NPHP4: variants seen among roughly 807,000 people sequenced by gnomAD.
NPHP4 encodes nephrocystin-4.
NPHP4 carries 151 observed loss-of-function variants against 155.8 expected under a neutral mutation model. That is an observed-to-expected ratio of 0.97 (90% confidence interval 0.85 to 1.11). The LOEUF (loss-of-function observed/expected upper bound fraction) is 1.11, where lower values mean the gene tolerates loss of function less well. Among genes scored for constraint, NPHP4 ranks in the 50% least tolerant of loss-of-function variants. NPHP4 has a pLI of 0.00. For synonymous variants in NPHP4, 845 were observed against 816.8 expected (o/e 1.03, Z -0.59); for missense variants, 1,956 against 1,925.7 (o/e 1.02, Z -0.29).
intron 18 of NPHP4, chr1:5,886,953 G>A (rs1038117543): frequency 3.7e-6 from 1 of 268,710 alleles, no homozygotes; most frequent in African/African-American, 2.2e-5. Context: ...CCTCCATCAT[G>A]AGGCACAGGG....
intron 19 of NPHP4, chr1:5,879,356 G>A (rs1448495728): frequency 1.1e-5 from 4 of 355,084 alleles, no homozygotes; most frequent in African/African-American, 4.3e-5. Flanking sequence ...ATTTTAAGGG[G>A]ATAGAAAAAC....
Position 5,892,086 on chromosome 1 carries a change from G to A in NPHP4, c.2144-1058C>T, listed in dbSNP as rs1007767640. Among the ~76,000 whole-genome samples the A allele has an allele frequency of 1.3e-5, 2 of 152,218 alleles. No individual in the cohort carries two copies. Among genetic ancestry groups the A allele is most frequent in the Non-Finnish European group, 2.9e-5 (2 of 68,036 alleles). On this transcript the variant is annotated intron_variant, in intron 16 of 29. Transcript: ENST00000378156. The surrounding 1 kb of genome is among the most constrained non-coding windows in gnomAD (Gnocchi z 4.5). ...ATAAGGAATCTGGAGGAAGACCAAG[G>A]AGGAGCTGGTGATTAACATCACGCA...
intron 12 of NPHP4, among the ~76,000 whole-genome samples, chr1:5,907,548 T>C (rs1644970926): frequency 6.6e-6 from 1 of 152,250 alleles, no homozygotes; most frequent in Non-Finnish European, 1.5e-5. Flanking sequence ...CTCTGTCCCT[T>C]GCCAGCACTG....
At chr1:5,969,051 TG>T in intron 4 of NPHP4, 35 bp downstream of exon 4, 2 of 1,376,716 alleles carry the variant, frequency 1.5e-6, no homozygotes, top group Non-Finnish European at 2.0e-6. Flanking sequence ...AGACAGACGC[TG>T]GAAAACCCCA....
At chr1:5,873,221 G>T in intron 23 of NPHP4, 31 bp downstream of exon 23, 4 of 1,573,008 alleles carry the variant, frequency 2.5e-6, no homozygotes, top group Non-Finnish European at 3.5e-6. Context: ...AGGAAGCCCC[G>T]AGATCAGTTT....
chr1:5,897,747 G>A (rs770666081), intron 16 of NPHP4, among the ~76,000 whole-genome samples: 4 of 151,966 alleles, frequency 2.6e-5, no homozygotes, highest in Non-Finnish European at 5.9e-5. Flanking sequence ...TACACATGGG[G>A]GACAAATGGG....
intron 9 of NPHP4, among the ~76,000 whole-genome samples, chr1:5,946,232 C>T (rs1233534708): frequency 6.6e-6 from 1 of 152,156 alleles, no homozygotes; most frequent in Non-Finnish European, 1.5e-5. Context: ...AAACAGAAAA[C>T]TAAATCTTAA....
intron 16 of NPHP4, among the ~76,000 whole-genome samples, chr1:5,901,956 C>A (rs1644704158): frequency 6.6e-6 from 1 of 152,146 alleles, no homozygotes; most frequent in Non-Finnish European, 1.5e-5. Context: ...CCCCCTCCCC[C>A]AAAGACAAAG....
At chr1:5,900,667 C>T (rs568387790) in intron 16 of NPHP4, among the ~76,000 whole-genome samples, 10 of 152,248 alleles carry the variant, frequency 6.6e-5, no homozygotes, top group Admixed American at 1.3e-4. Context: ...CTGTATAATG[C>T]AGAATGAACT....
chr1:5,985,263 T>C (rs758831592), intron 2 of NPHP4, among the ~76,000 whole-genome samples: 10 of 152,234 alleles, frequency 6.6e-5, no homozygotes, highest in Admixed American at 3.9e-4. Context: ...GGGTTGACAA[T>C]GGCAAGACTG....
At chr1:5,864,723 G>A (rs930427397) in intron 27 of NPHP4, 30 of 547,318 alleles carry the variant, frequency 5.5e-5, no homozygotes, top group South Asian at 1.5e-4. Flanking sequence ...CTCACACGGC[G>A]ACTATTCCCT....
At position 5,944,882 on chromosome 1, in the gene NPHP4, G is replaced by T. The variant is rs541576070; in HGVS notation, c.1119+2222C>A. On this transcript the variant is annotated intron_variant, in intron 9 of 29. Transcript: ENST00000378156. The surrounding 1 kb of genome is among the most constrained non-coding windows in gnomAD (Gnocchi z 4.3). ...CTACTCAGGAGACTGAGGCAGGAGA[G>T]TCACTTGAACCCAGGAGGCGGAGGT... 7.9e-5 allele frequency among the ~76,000 whole-genome samples: 12 copies of T among 152,196 alleles called. No individual in the cohort carries two copies. In the East Asian group the frequency reaches 2.3e-3, roughly 29 times the overall value.
intron 6 of NPHP4, among the ~76,000 whole-genome samples, chr1:5,955,958 A>T (rs1649117538): frequency 6.6e-6 from 1 of 150,868 alleles, no homozygotes; most frequent in African/African-American, 2.4e-5. Flanking sequence ...CATTTGATCT[A>T]CTCTACAACA....
In NPHP4 at chr1:5,892,681, C is replaced by T. The variant is rs1002893031; in HGVS notation, c.2144-1653G>A. 1.1e-4 allele frequency among the ~76,000 whole-genome samples: 16 copies of T among 152,088 alleles called. No individual in the cohort carries two copies. Among genetic ancestry groups the T allele is most frequent in the African/African-American group, 2.7e-4 (11 of 41,398 alleles). ...GTTTGGGACGCGCGTACTCTCCCCACTGCAGCCTCAGACCTCTCCCCTCCC... is the reference window on the plus strand; with the variant it reads ...GTTTGGGACGCGCGTACTCTCCCCATTGCAGCCTCAGACCTCTCCCCTCCC... On this transcript the variant is annotated intron_variant, in intron 16 of 29. Transcript: ENST00000378156. This position sits in a 1 kb window ranked among gnomAD's most constrained non-coding sequence, Gnocchi z 4.5.
intron 1 of NPHP4, among the ~76,000 whole-genome samples, chr1:5,987,137 A>G (rs1026865846): frequency 2.0e-5 from 3 of 151,842 alleles, no homozygotes; most frequent in African/African-American, 7.3e-5. Flanking sequence ...TTGTTGCTAA[A>G]GCCATTTGGG....
At chr1:5,865,933 G>C (rs1451930419) in intron 26 of NPHP4, 1 of 214,888 alleles carries the variant, frequency 4.7e-6, no homozygotes, top group Non-Finnish European at 9.4e-6. Flanking sequence ...ATCCGACTTA[G>C]GAGGGGAGGG....
chr1:5,938,450 A>G (rs546566404), intron 9 of NPHP4, among the ~76,000 whole-genome samples: 1 of 152,330 alleles, frequency 6.6e-6, no homozygotes, highest in South Asian at 2.1e-4. Context: ...GCCAGATGCC[A>G]TCAACCAGAA....
chr1:5,947,909 A>G (rs1242167252), intron 8 of NPHP4, among the ~76,000 whole-genome samples, 161 bp downstream of exon 8: 1 of 152,136 alleles, frequency 6.6e-6, no homozygotes, highest in African/African-American at 2.4e-5. Context: ...CAAACTTCCA[A>G]CTCCAAAGTT....
chr1:5,900,371 T>C (rs1325506421), intron 16 of NPHP4, among the ~76,000 whole-genome samples: 1 of 152,198 alleles, frequency 6.6e-6, no homozygotes, highest in Non-Finnish European at 1.5e-5. Flanking sequence ...TGAAGTATCA[T>C]TCAGCAATCC....
Sources: allele counts gnomAD v4.1 joint callset (sites outside exome capture counted in the v4.1 genomes callset), GRCh38; gene constraint gnomAD v4.1.1; non-coding constraint Gnocchi (gnomAD v3.1); transcripts MANE v1.5; gene names NCBI Gene and HGNC (gene_info 2026-07-23, HGNC 2026-07-21).